Variants in DLG2 observed in about 807,000 individuals in gnomAD.
DLG2 encodes discs large MAGUK scaffold protein 2, also known as disks large homolog 2.
Under a neutral mutation model 132.5 loss-of-function variants are expected in DLG2, and 45 were observed. The observed-to-expected ratio is 0.34, with a 90% CI of 0.27 to 0.44. The LOEUF (loss-of-function observed/expected upper bound fraction) is 0.44. Ranked by LOEUF, DLG2 falls within the 20% of genes least tolerant of loss-of-function variation. DLG2 has a pLI of 1.00. For missense variants in DLG2, 1,045 were observed against 1,196.9 expected (o/e 0.87, Z 1.87); for synonymous variants, 424 against 419.6 (o/e 1.01, Z -0.13).
At chr11:84,706,891 T>C (rs986130063) in intron 6 of DLG2, among the ~76,000 whole-genome samples, 6 of 151,930 alleles carry the variant, frequency 3.9e-5, no homozygotes, top group African/African-American at 1.4e-4. Flanking sequence ...TACAAAAAGT[T>C]AACCTAACAA....
chr11:85,343,272 C>G (rs530477743), intron 3 of DLG2, among the ~76,000 whole-genome samples: 1 of 152,260 alleles, frequency 6.6e-6, no homozygotes, highest in African/African-American at 2.4e-5. Context: ...GCTGAAGGGA[C>G]AAAACTAGTA....
intron 12 of DLG2, among the ~76,000 whole-genome samples, chr11:83,973,765 G>A (rs535566697): frequency 6.6e-6 from 1 of 151,962 alleles, no homozygotes; most frequent in Non-Finnish European, 1.5e-5. Context: ...GATTATTCAG[G>A]GTTGACTGAG....
intron 3 of DLG2, among the ~76,000 whole-genome samples, chr11:85,539,543 G>A (rs1316996855): frequency 6.6e-6 from 1 of 152,088 alleles, no homozygotes; most frequent in African/African-American, 2.4e-5. Flanking sequence ...CTTTCTTTTT[G>A]GGATTATGGA....
intron 18 of DLG2, among the ~76,000 whole-genome samples, chr11:83,753,759 A>C (rs183212898): frequency 3.9e-4 from 54 of 136,964 alleles, no homozygotes; most frequent in East Asian, 1.0e-3. Flanking sequence ...TCATATATGT[A>C]ATATATATGA....
chr11:85,418,941 A>T (rs1402472616), intron 3 of DLG2, among the ~76,000 whole-genome samples: 1 of 152,172 alleles, frequency 6.6e-6, no homozygotes, highest in East Asian at 1.9e-4. Flanking sequence ...ATTTAAGGTT[A>T]AGATTATTAT....
chr11:85,229,830 T>C (rs947074778), intron 4 of DLG2, among the ~76,000 whole-genome samples: 6 of 152,064 alleles, frequency 3.9e-5, no homozygotes, highest in African/African-American at 1.4e-4. Context: ...TGAGTTTATG[T>C]CTTTTGCAGG....
intron 3 of DLG2, among the ~76,000 whole-genome samples, chr11:85,436,401 A>G (rs1444428827): frequency 6.6e-6 from 1 of 152,230 alleles, no homozygotes; most frequent in Non-Finnish European, 1.5e-5. Flanking sequence ...AATTTTTGCA[A>G]TCTACCCATC....
intron 4 of DLG2, among the ~76,000 whole-genome samples, chr11:85,216,835 AC>A (rs973558446): frequency 3.8e-4 from 58 of 152,124 alleles, no homozygotes; most frequent in African/African-American, 1.3e-3. Context: ...AGCTGGGATT[AC>A]AGGCACCTGC....
intron 16 of DLG2, among the ~76,000 whole-genome samples, chr11:83,873,870 C>A (rs2063984485): frequency 6.6e-6 from 1 of 152,164 alleles, no homozygotes; most frequent in Non-Finnish European, 1.5e-5. Flanking sequence ...AGTTAGGTAT[C>A]CCTCCTGGAT....
At chr11:84,474,256 G>A (rs1292247277) in intron 7 of DLG2, among the ~76,000 whole-genome samples, 1 of 152,038 alleles carries the variant, frequency 6.6e-6, no homozygotes, top group African/African-American at 2.4e-5. Context: ...CTTCATTGCT[G>A]CAAGCAGTAT....
At chr11:83,584,884 C>A (rs563865476) in intron 19 of DLG2, among the ~76,000 whole-genome samples, 6 of 152,278 alleles carry the variant, frequency 3.9e-5, no homozygotes, top group Admixed American at 1.3e-4. Flanking sequence ...GTGCTGGGCA[C>A]AGAACTGGGC....
intron 9 of DLG2, among the ~76,000 whole-genome samples, chr11:84,160,978 C>T (rs929976657): frequency 2.6e-5 from 4 of 152,072 alleles, no homozygotes; most frequent in Non-Finnish European, 5.9e-5. Flanking sequence ...AAATTGTTGT[C>T]CCAGAGTATG....
chr11:83,799,837 G>A (rs1400791799), intron 17 of DLG2, among the ~76,000 whole-genome samples: 1 of 152,192 alleles, frequency 6.6e-6, no homozygotes, highest in Non-Finnish European at 1.5e-5. Context: ...GAAGCTTAGA[G>A]AAGTGGCCAA....
chr11:85,114,710 G>A (rs1474750298), intron 5 of DLG2, among the ~76,000 whole-genome samples: 1 of 151,890 alleles, frequency 6.6e-6, no homozygotes, highest in Non-Finnish European at 1.5e-5. Flanking sequence ...AGCTAAATAT[G>A]CTGACCAATT....
chr11:84,693,381 A>G (rs564512500), intron 6 of DLG2, among the ~76,000 whole-genome samples: 1 of 151,842 alleles, frequency 6.6e-6, no homozygotes, highest in African/African-American at 2.4e-5. Context: ...GATATCCTGA[A>G]GTGTTGTCAT....
intron 6 of DLG2, among the ~76,000 whole-genome samples, chr11:85,108,429 C>T (rs920775244): frequency 6.6e-6 from 1 of 151,974 alleles, no homozygotes; most frequent in Admixed American, 6.6e-5. Context: ...CTCTTAAGCA[C>T]AAGGTGAAGA....
At chr11:83,679,699 CAAT>C (rs758513515) in intron 18 of DLG2, among the ~76,000 whole-genome samples, 2 of 152,118 alleles carry the variant, frequency 1.3e-5, no homozygotes, top group Non-Finnish European at 2.9e-5. Context: ...CAATTTACAA[CAAT>C]AATAATTACC....
intron 3 of DLG2, among the ~76,000 whole-genome samples, chr11:85,467,908 TG>T (rs1254037188): frequency 6.6e-6 from 1 of 152,236 alleles, no homozygotes; most frequent in African/African-American, 2.4e-5. Context: ...CTTGTACCTC[TG>T]GTAGAATCCA....
chr11:83,563,141 A>C (rs906186625), intron 19 of DLG2, among the ~76,000 whole-genome samples: 8 of 151,206 alleles, frequency 5.3e-5, no homozygotes, highest in Admixed American at 5.3e-4. Context: ...CGCCCAGCTA[A>C]TTTTTTTGTA....
Sources: allele counts gnomAD v4.1 joint callset (sites outside exome capture counted in the v4.1 genomes callset), GRCh38; gene constraint gnomAD v4.1.1; transcripts MANE v1.5; gene names NCBI Gene and HGNC (gene_info 2026-07-23, HGNC 2026-07-21).